NSDHL: variants seen among roughly 807,000 people sequenced by gnomAD.
The protein encoded by NSDHL is NAD(P) dependent 3-beta-hydroxysteroid dehydrogenase NSDHL.
Under a neutral mutation model 23.0 loss-of-function variants are expected in NSDHL, and 1 was observed. That is an observed-to-expected ratio of 0.04 (90% CI 0.02 to 0.21). The LOEUF (loss-of-function observed/expected upper bound fraction) is 0.21, where lower values mean the gene tolerates loss of function less well. NSDHL is among the 10% of genes least tolerant of loss of function. The pLI is 1.00. For missense variants in NSDHL, 237 were observed against 300.9 expected (o/e 0.79, Z 1.57); for synonymous variants, 128 against 121.1 (o/e 1.06, Z -0.37).
In NSDHL at chrX:152,850,457, G is replaced by A. The variant is rs782522046; in HGVS notation, c.267+34G>A. ...CCATGCAGCCTTGCTGATTTCCCACGAGCCCACGAAGGGAAACCACGATAC... is the reference window on the plus strand; with the variant it reads ...CCATGCAGCCTTGCTGATTTCCCACAAGCCCACGAAGGGAAACCACGATAC... On this transcript the variant is annotated intron_variant, in intron 3 of 7. Coordinates refer to ENST00000370274, the MANE Select transcript of NSDHL (RefSeq NM_015922.3). The A allele has an allele frequency of 1.4e-4, 163 of 1,191,674 alleles. 2 individuals carry two copies. In the South Asian group the frequency reaches 2.7e-3, roughly 20 times the overall value.
chrX:152,832,708 G>A (rs987656865), intron 1 of NSDHL, among the ~76,000 whole-genome samples: 1 of 112,021 alleles, frequency 8.9e-6, no homozygotes, highest in African/African-American at 3.2e-5. Flanking sequence ...CAAGTTCTGC[G>A]CAGGCTGTGT....
chrX:152,834,293 G>A (rs1176289981), intron 1 of NSDHL, among the ~76,000 whole-genome samples: 1 of 112,990 alleles, frequency 8.9e-6, no homozygotes, highest in Non-Finnish European at 1.9e-5. Context: ...GAGGAACAGC[G>A]TAAGCTAAGC....
intron 1 of NSDHL, among the ~76,000 whole-genome samples, chrX:152,836,507 A>G (rs1416120920): frequency 8.9e-6 from 1 of 111,880 alleles, no homozygotes; most frequent in Non-Finnish European, 1.9e-5. Flanking sequence ...ATCCAGTTTC[A>G]GCTTTCTCCA....
At chrX:152,839,718 G>T (rs954374336) in intron 1 of NSDHL, among the ~76,000 whole-genome samples, 2 of 112,377 alleles carry the variant, frequency 1.8e-5, no homozygotes, top group African/African-American at 3.2e-5. Flanking sequence ...CTTTCTCTCT[G>T]GCTGCCCTTT....
intron 1 of NSDHL, among the ~76,000 whole-genome samples, chrX:152,844,607 G>A (rs1933243310): frequency 8.9e-6 from 1 of 112,583 alleles, no homozygotes; most frequent in Admixed American, 9.4e-5. Context: ...AATATCTGGG[G>A]AATCTGGATA....
intron 1 of NSDHL, among the ~76,000 whole-genome samples, chrX:152,832,837 C>T (rs1556843570): frequency 8.9e-6 from 1 of 112,001 alleles, no homozygotes; most frequent in African/African-American, 3.3e-5. Context: ...GGATGAACTA[C>T]TTATATGTAA....
At chrX:152,835,445 C>T (rs1166474524) in intron 1 of NSDHL, among the ~76,000 whole-genome samples, 1 of 105,988 alleles carries the variant, frequency 9.4e-6, no homozygotes, top group Non-Finnish European at 1.9e-5. Context: ...AATGCTATCC[C>T]TCCCCCAGGC....
intron 1 of NSDHL, among the ~76,000 whole-genome samples, chrX:152,841,260 C>T (rs1286154651): frequency 8.8e-6 from 1 of 113,013 alleles, no homozygotes; most frequent in East Asian, 2.8e-4. Context: ...CCTTGCACTT[C>T]CTGGGTAAGG....
intron 3 of NSDHL, among the ~76,000 whole-genome samples, chrX:152,851,431 A>G (rs893489571): frequency 4.5e-5 from 5 of 111,146 alleles, no homozygotes; most frequent in African/African-American, 1.6e-4. Flanking sequence ...TGGGATGCCA[A>G]TCCTGTGCCC....
intron 6 of NSDHL, among the ~76,000 whole-genome samples, chrX:152,866,373 T>C (rs781904031): frequency 1.3e-4 from 15 of 113,045 alleles, no homozygotes; most frequent in Non-Finnish European, 2.4e-4. Flanking sequence ...TTTCAACATA[T>C]GAATGTTGCG....
intron 5 of NSDHL, among the ~76,000 whole-genome samples, chrX:152,864,101 G>C (rs1308990059): frequency 3.6e-5 from 4 of 110,971 alleles, no homozygotes; most frequent in Non-Finnish European, 5.7e-5. Flanking sequence ...TAGTAGAGAC[G>C]GGGTTTCACC....
In NSDHL at chrX:152,845,873, G is replaced by T. The variant is rs149570943; in HGVS notation, c.-43-409G>T. ...GAGCAATTCCGTACAGTTCGTGATA[G>T]GCCCAGAGCAGGACTCCCTAGGTGT... On this transcript the variant is annotated intron_variant, in intron 1 of 7. Transcript: ENST00000370274. Among the ~76,000 whole-genome samples, 35 of 112,550 alleles carry T rather than the reference G, an allele frequency of 3.1e-4. No homozygotes were observed. In the South Asian group the frequency reaches 0.012, roughly 39 times the overall value.
At chrX:152,854,996 CTT>C (rs138412629) in intron 3 of NSDHL, among the ~76,000 whole-genome samples, 7 of 98,743 alleles carry the variant, frequency 7.1e-5, no homozygotes, top group Non-Finnish European at 6.2e-5. Flanking sequence ...TTACATAACA[CTT>C]TTTTTTTTTT....
Position 152,869,697 on chromosome X carries a change from A to T in NSDHL, c.*581A>T. ...CTCCCCAGTCTCTGTTGCTTGTTCA[A>T]CTCCTTACATGTTCCACATTCTCTT... On this transcript the variant is annotated 3_prime_UTR_variant, in exon 8 of 8. Transcript: ENST00000370274. 8.0e-6 allele frequency: 1 copy of T among 124,858 alleles called. No homozygotes were observed. The highest frequency in any genetic ancestry group is 7.8e-5 in the Admixed American group (1 of 12,742). 10.3% of individuals were successfully genotyped at this position (124,858 alleles called of 1,213,427 possible).
At chrX:152,833,984 C>A (rs151076717) in intron 1 of NSDHL, among the ~76,000 whole-genome samples, 122 of 112,850 alleles carry the variant, frequency 1.1e-3, no homozygotes, top group Non-Finnish European at 1.7e-3. Context: ...GTTTGAGCCT[C>A]ACAGTAGCTC....
At chrX:152,858,171 G>A (rs1001201552) in intron 3 of NSDHL, among the ~76,000 whole-genome samples, 2 of 111,543 alleles carry the variant, frequency 1.8e-5, no homozygotes, top group Non-Finnish European at 1.9e-5. Context: ...ACGTGACCCC[G>A]GTAGTCTTAG....
intron 3 of NSDHL, 36 bp downstream of exon 3, chrX:152,850,459 G>A (rs186899706): frequency 1.7e-6 from 2 of 1,180,211 alleles, no homozygotes; most frequent in Non-Finnish European, 1.2e-6. Context: ...TTTCCCACGA[G>A]CCCACGAAGG....
intron 3 of NSDHL, among the ~76,000 whole-genome samples, chrX:152,852,373 G>T (rs1933371072): frequency 1.8e-5 from 2 of 111,794 alleles, no homozygotes; most frequent in Middle Eastern, 4.6e-3. Flanking sequence ...TCCCACGTTA[G>T]AATTTCTTCT....
In NSDHL at chrX:152,868,777, C is replaced by T. The variant is rs368247700; in HGVS notation, c.790-7C>T. On this transcript the variant is annotated splice_polypyrimidine_tract_variant and splice_region_variant and intron_variant, in intron 7 of 7. Transcript: ENST00000370274. ...TTTCTAACTTCTTGTTCTTGTTCTC[C>T]CGCCAGGCATTTCACATCACCAATG... 1.5e-5 allele frequency: 18 copies of T among 1,205,292 alleles called. No homozygotes were observed. The highest frequency in any genetic ancestry group is 1.9e-5 in the Non-Finnish European group (17 of 891,218).
Sources: gnomAD v4.1 joint callset for allele counts (sites outside exome capture counted in the v4.1 genomes callset) on GRCh38, gnomAD v4.1.1 for gene constraint, MANE v1.5 for transcripts, NCBI Gene and HGNC (gene_info 2026-07-23, HGNC 2026-07-21) for gene names.